Variants in PRKAG2 observed in about 807,000 individuals in gnomAD.
The protein encoded by PRKAG2 is 5'-AMP-activated protein kinase subunit gamma-2.
Under a neutral mutation model 69.6 loss-of-function variants are expected in PRKAG2, and 26 were observed. That is an observed-to-expected ratio of 0.37 (90% CI 0.27 to 0.52). The LOEUF (loss-of-function observed/expected upper bound fraction) is 0.52. Among genes scored for constraint, PRKAG2 ranks in the 20% least tolerant of loss-of-function variants. The pLI is 0.90. For missense variants in PRKAG2, 557 were observed against 740.0 expected (o/e 0.75, Z 2.87); for synonymous variants, 293 against 285.0 (o/e 1.03, Z -0.28).
chr7:151,717,580 C>T (rs866752356), intron 3 of PRKAG2, among the ~76,000 whole-genome samples: 20 of 152,210 alleles, frequency 1.3e-4, no homozygotes, highest in Non-Finnish European at 1.5e-4. Context: ...GCCCCAGACT[C>T]ACCGGCTGGT....
In PRKAG2 at chr7:151,777,090, C is replaced by T. The variant is rs117173829; in HGVS notation, c.466+4062G>A. Reference sequence around the variant, plus strand: ...CTCTGACTCCACCTGCCTGTCTCGGCCCCTGGCTTTAAGGAAAGGGTGGAG... The same window carrying T: ...CTCTGACTCCACCTGCCTGTCTCGGTCCCTGGCTTTAAGGAAAGGGTGGAG... On this transcript the variant is annotated intron_variant, in intron 3 of 15. Coordinates refer to ENST00000287878, the MANE Select transcript of PRKAG2 (RefSeq NM_016203.4). The surrounding 1 kb of genome is among the most constrained non-coding windows in gnomAD (Gnocchi z 4.3). Among the ~76,000 whole-genome samples, 268 of 152,336 alleles carry T rather than the reference C, an allele frequency of 1.8e-3. 3 individuals are homozygous for T. The highest frequency in any genetic ancestry group is 4.8e-3 in the East Asian group (25 of 5,174).
intron 3 of PRKAG2, among the ~76,000 whole-genome samples, chr7:151,705,106 C>A (rs78573217): frequency 0.023 from 3,509 of 152,312 alleles, 57 homozygotes; most frequent in Non-Finnish European, 0.04. Context: ...GAGAATTTTT[C>A]AACCTTCTGA....
At chr7:151,768,263 G>A (rs1398122182) in intron 3 of PRKAG2, among the ~76,000 whole-genome samples, 2 of 152,100 alleles carry the variant, frequency 1.3e-5, no homozygotes, top group African/African-American at 4.8e-5. Context: ...CAAACTTCTA[G>A]GCTGTATCAT....
rs981001256 is a variant in PRKAG2, at chr7:151,814,587, T to A, written c.115-28046A>T. 7.3e-6 allele frequency: 9 copies of A among 1,231,676 alleles called. No individual in the cohort carries two copies. The highest frequency in any genetic ancestry group is 4.7e-5 in the African/African-American group (3 of 64,438). 76.3% of individuals were successfully genotyped at this position (1,231,676 alleles called of 1,614,324 possible). ...ATCAGAGAAGGGGTTTCCCAGCCCC[T>A]TCAGCACAGGCAATTTCTAGGGTTC... On this transcript the variant is annotated intron_variant, in intron 1 of 15. Transcript: ENST00000287878. This position sits in a 1 kb window ranked among gnomAD's most constrained non-coding sequence, Gnocchi z 4.8.
intron 1 of PRKAG2, among the ~76,000 whole-genome samples, chr7:151,799,912 TCA>T (rs2077742467): frequency 6.6e-6 from 1 of 152,160 alleles, no homozygotes; most frequent in African/African-American, 2.4e-5. Context: ...CTAACAACAC[TCA>T]CAACAACCAC....
chr7:151,814,984 C>T lies in PRKAG2; in HGVS notation c.115-28443G>A. On this transcript the variant is annotated intron_variant, in intron 1 of 15. Coordinates refer to ENST00000287878, the MANE Select transcript of PRKAG2 (RefSeq NM_016203.4). This position sits in a 1 kb window ranked among gnomAD's most constrained non-coding sequence, Gnocchi z 4.8. ...AGGCCGATGATGCAGCAGTGGACAG[C>T]TCTGGGCTCCAGGTCCTCTGGCCAG... 2.8e-6 allele frequency: 2 copies of T among 714,638 alleles called. No individual in the cohort carries two copies. The highest frequency in any genetic ancestry group is 3.9e-6 in the Non-Finnish European group (2 of 516,492). 44.3% of individuals were successfully genotyped at this position (714,638 alleles called of 1,614,324 possible).
chr7:151,628,339 A>C (rs1823529108), intron 5 of PRKAG2, among the ~76,000 whole-genome samples: 1 of 152,230 alleles, frequency 6.6e-6, no homozygotes, highest in Admixed American at 6.5e-5. Context: ...AGTTAGTTCA[A>C]GGCAGTTAAT....
At chr7:151,590,628 GGCCTCTCAC>G (rs1812846317) in intron 6 of PRKAG2, among the ~76,000 whole-genome samples, 1 of 152,190 alleles carries the variant, frequency 6.6e-6, no homozygotes, top group Non-Finnish European at 1.5e-5. Flanking sequence ...GCCTAGCGTG[GGCCTCTCAC>G]CCTCCCACCC....
chr7:151,574,815 AATACACACAT>A, intron 8 of PRKAG2, 66 bp downstream of exon 8: 1 of 1,580,126 alleles, frequency 6.3e-7, no homozygotes. Context: ...AAAATCTTAA[AATACACACAT>A]ATACCTACAC....
chr7:151,868,136 G>T (rs753433560), intron 1 of PRKAG2, among the ~76,000 whole-genome samples: 1 of 152,218 alleles, frequency 6.6e-6, no homozygotes, highest in East Asian at 1.9e-4. Context: ...GGTGATAGCC[G>T]ATTGGTCCGT....
At chr7:151,662,045 T>G (rs929891892) in intron 4 of PRKAG2, among the ~76,000 whole-genome samples, 2 of 152,230 alleles carry the variant, frequency 1.3e-5, no homozygotes, top group African/African-American at 4.8e-5. Context: ...CATTTAATGT[T>G]CAGCCCCCCA....
At chr7:151,558,439 C>G in intron 15 of PRKAG2, 1 of 985,248 alleles carries the variant, frequency 1.0e-6, no homozygotes, top group Non-Finnish European at 1.2e-6. Context: ...AGGAGGGAGA[C>G]GGGCCTGTAT....
At chr7:151,571,324 C>T (rs7787908) in intron 9 of PRKAG2, among the ~76,000 whole-genome samples, 22,124 of 152,038 alleles carry the variant, frequency 0.15, 1,727 homozygotes, top group African/African-American at 0.18. Flanking sequence ...CCACCCGCCT[C>T]GGCTTCCCAA....
intron 1 of PRKAG2, among the ~76,000 whole-genome samples, chr7:151,831,681 C>A (rs189477496): frequency 4.1e-4 from 62 of 152,162 alleles, no homozygotes; most frequent in African/African-American, 1.4e-3. Context: ...TTTGTATGTT[C>A]CCCCCCTTGC....
intron 1 of PRKAG2, among the ~76,000 whole-genome samples, chr7:151,842,610 G>A (rs1287238198): frequency 7.4e-6 from 1 of 135,742 alleles, no homozygotes; most frequent in Non-Finnish European, 1.6e-5. Context: ...TGGTAGTGAT[G>A]GTAGGTAGTG....
chr7:151,734,053 C>T (rs929049205), intron 3 of PRKAG2, among the ~76,000 whole-genome samples: 20 of 152,008 alleles, frequency 1.3e-4, no homozygotes, highest in African/African-American at 4.8e-4. Flanking sequence ...GAACTCTACT[C>T]GATTAGACGC....
chr7:151,704,584 A>G (rs926130933), intron 3 of PRKAG2, among the ~76,000 whole-genome samples: 4 of 152,212 alleles, frequency 2.6e-5, no homozygotes, highest in African/African-American at 9.6e-5. Context: ...CTGTATGAAC[A>G]TTCTATACAT....
At chr7:151,865,476 C>T (rs180774954) in intron 1 of PRKAG2, among the ~76,000 whole-genome samples, 80 of 152,308 alleles carry the variant, frequency 5.3e-4, no homozygotes, top group African/African-American at 1.6e-3. Context: ...GACAGGGTGA[C>T]GGCATGCCCC....
intron 1 of PRKAG2, among the ~76,000 whole-genome samples, chr7:151,830,794 G>GGT (rs1554614495): frequency 2.0e-5 from 3 of 146,654 alleles, no homozygotes; most frequent in African/African-American, 7.4e-5. Context: ...GGGCGGGGGG[G>GGT]GGTTGTGATG....
Sources: allele counts gnomAD v4.1 joint callset (sites outside exome capture counted in the v4.1 genomes callset), GRCh38; gene constraint gnomAD v4.1.1; non-coding constraint Gnocchi (gnomAD v3.1); transcripts MANE v1.5; gene names NCBI Gene and HGNC (gene_info 2026-07-23, HGNC 2026-07-21).